Variants in KDM7A observed in about 807,000 individuals in gnomAD.
KDM7A encodes the protein lysine-specific demethylase 7A.
In KDM7A, 28 loss-of-function variants were observed where a neutral mutation model predicts 114.8. The ratio of observed to expected loss-of-function variants is 0.24; its 90% CI spans 0.18 to 0.33. KDM7A has a LOEUF of 0.33. Among genes scored for constraint, KDM7A ranks in the 10% least tolerant of loss-of-function variants. The pLI, the probability that KDM7A is intolerant of heterozygous loss-of-function variation, is 1.00. For missense variants in KDM7A, 942 were observed against 1,142.5 expected (o/e 0.82, Z 2.53); for synonymous variants, 423 against 397.8 (o/e 1.06, Z -0.75).
At chr7:140,171,673 C>T (rs1255878396) in intron 1 of KDM7A, among the ~76,000 whole-genome samples, 8 of 148,692 alleles carry the variant, frequency 5.4e-5, no homozygotes, top group Non-Finnish European at 4.4e-5. Context: ...TGTCCTGAAT[C>T]TCAGAAACTC....
intron 7 of KDM7A, among the ~76,000 whole-genome samples, chr7:140,123,956 G>A (rs1341599446): frequency 6.6e-6 from 1 of 151,850 alleles, no homozygotes; most frequent in Non-Finnish European, 1.5e-5. Flanking sequence ...TGTAGTCCCA[G>A]CTACTTGGAA....
chr7:140,161,008 A>T (rs770012094), intron 1 of KDM7A, among the ~76,000 whole-genome samples: 71 of 152,232 alleles, frequency 4.7e-4, no homozygotes, highest in Non-Finnish European at 9.1e-4. Flanking sequence ...GACTCAAAAC[A>T]ACAGGCACAC....
intron 1 of KDM7A, among the ~76,000 whole-genome samples, chr7:140,167,016 CAAAG>C (rs1236230348): frequency 7.2e-5 from 11 of 151,756 alleles, no homozygotes; most frequent in African/African-American, 2.2e-4. Context: ...ATAATACTAA[CAAAG>C]AAAATTACTT....
At chr7:140,145,761 T>G (rs1464661073) in intron 1 of KDM7A, among the ~76,000 whole-genome samples, 1 of 152,158 alleles carries the variant, frequency 6.6e-6, no homozygotes, top group Non-Finnish European at 1.5e-5. Context: ...ATGGCCACAT[T>G]CCTCACTCCT....
At chr7:140,091,772 A>G in intron 19 of KDM7A, 32 bp downstream of exon 19, 1 of 1,606,442 alleles carries the variant, frequency 6.2e-7, no homozygotes, top group Non-Finnish European at 8.5e-7. Flanking sequence ...ACAGTCAGAA[A>G]TATACTTTCT....
Position 140,133,674 on chromosome 7 carries a change from T to TA in KDM7A, c.281-19dup, listed in dbSNP as rs531912145. ...TTTTTTCACTGGATTTTTAAAAGAT[T>TA]AAAAAAAAATGATTTTGGTAACTGG... is the stretch of plus-strand genomic sequence containing the variant. On this transcript the variant is annotated intron_variant, in intron 2 of 19. Transcript: ENST00000397560. The TA allele has an allele frequency of 2.7e-4, 373 of 1,380,210 alleles. No individual in the cohort carries two copies. The highest frequency in any genetic ancestry group is 3.7e-4 in the Middle Eastern group (2 of 5,444). The allele number at this position is 1,380,210 out of a possible 1,614,324, so 85.5% of individuals were successfully genotyped here.
chr7:140,098,048 T>C (rs777501469), intron 14 of KDM7A, among the ~76,000 whole-genome samples: 3 of 152,196 alleles, frequency 2.0e-5, no homozygotes, highest in Non-Finnish European at 4.4e-5. Flanking sequence ...TTCACGTAGA[T>C]AGTGAATTCA....
chr7:140,094,258 ACTTTG>A, intron 17 of KDM7A, 120 bp from the exon 18 acceptor site: 1 of 710,594 alleles, frequency 1.4e-6, no homozygotes, highest in East Asian at 2.5e-5. Flanking sequence ...TAATCCCAAC[ACTTTG>A]GGAGGCCAAG....
At chr7:140,101,817 C>T in intron 12 of KDM7A, 134 bp downstream of exon 12, 1 of 657,174 alleles carries the variant, frequency 1.5e-6, no homozygotes, top group Non-Finnish European at 2.7e-6. Context: ...ACAGGCATAA[C>T]TACTGGTTGA....
chr7:140,175,420 T>C (rs1032276222), intron 1 of KDM7A, among the ~76,000 whole-genome samples: 1 of 152,138 alleles, frequency 6.6e-6, no homozygotes, highest in Non-Finnish European at 1.5e-5. Flanking sequence ...CAAAAGACAC[T>C]TCCTACAATC....
chr7:140,132,164 A>G (rs1404596828), intron 3 of KDM7A, among the ~76,000 whole-genome samples: 1 of 152,232 alleles, frequency 6.6e-6, no homozygotes, highest in East Asian at 1.9e-4. Flanking sequence ...TGTGTTAATC[A>G]TATCAAGCAT....
intron 10 of KDM7A, among the ~76,000 whole-genome samples, 165 bp from the exon 11 acceptor site, chr7:140,111,349 A>C (rs1330499909): frequency 1.3e-5 from 2 of 152,226 alleles, no homozygotes; most frequent in East Asian, 3.8e-4. Flanking sequence ...ATGCCTTCTA[A>C]GGAGATTCTC....
Position 140,176,836 on chromosome 7 carries a change from C to G in KDM7A, c.102G>C (p.Pro34=). ...GGCACACACAGTACACGGGCGGGGG[C>G]GGCGGAGGCGCCGAGGCCCGGCCGG... ...AAPGRASAPP[P]PPPVYCVCRQ... Residue 34 remains proline, a synonymous_variant, in exon 1 of 20, where the codon CCG becomes CCC. Coordinates refer to ENST00000397560, the MANE Select transcript of KDM7A (RefSeq NM_030647.2). This position sits in a 1 kb window ranked among gnomAD's most constrained non-coding sequence, Gnocchi z 4.4. 1 of 1,333,400 alleles carries G rather than the reference C, an allele frequency of 7.5e-7. No homozygotes were observed. The highest frequency in any genetic ancestry group is 9.8e-7 in the Non-Finnish European group (1 of 1,021,806). 82.6% of individuals were successfully genotyped at this position (1,333,400 alleles called of 1,614,324 possible). A position where few individuals can be genotyped will look rare whatever the true frequency, so the allele number is the denominator to read the frequency against.
intron 1 of KDM7A, among the ~76,000 whole-genome samples, chr7:140,152,757 G>A (rs1440545178): frequency 6.6e-6 from 1 of 152,118 alleles, no homozygotes; most frequent in African/African-American, 2.4e-5. Context: ...TACAAGTCAG[G>A]GCAATATGTA....
chr7:140,102,132 T>C lies in KDM7A; in HGVS notation c.1457A>G (p.Gln486Arg). 1 of 1,613,760 alleles carries C rather than the reference T, an allele frequency of 6.2e-7. No homozygotes were observed. The highest frequency in any genetic ancestry group is 8.5e-7 in the Non-Finnish European group (1 of 1,179,632). ...EEENGKPVKS[Q>R]GIPIVCPVSR... ...AACTGGACACACAATAGGAATTCCC[T>C]GAGATTTAACTGGTTTGCCGTTTTC... Residue 486 changes from glutamine to arginine, a missense_variant, in exon 12 of 20, where the codon CAG becomes CGG. Transcript: ENST00000397560.
Position 140,121,221 on chromosome 7 carries a change from T to C in KDM7A, c.1052-692A>G, listed in dbSNP as rs575545302. On this transcript the variant is annotated intron_variant, in intron 7 of 19. Transcript: ENST00000397560. ...CAAAAAATGATATTTTGTATTCCCA[T>C]ACAAATGCTTACAAAGTGAAAACCA... is the stretch of plus-strand genomic sequence containing the variant. Among the ~76,000 whole-genome samples the C allele has an allele frequency of 2.1e-4, 32 of 152,322 alleles. No individual in the cohort carries two copies. In the South Asian group the frequency reaches 6.0e-3, roughly 29 times the overall value.
At chr7:140,110,912 AT>A (rs1445269787) in intron 11 of KDM7A, among the ~76,000 whole-genome samples, 182 bp downstream of exon 11, 4 of 152,236 alleles carry the variant, frequency 2.6e-5, no homozygotes, top group African/African-American at 9.6e-5. Flanking sequence ...TTAGAATACA[AT>A]ATTTAAATTT....
intron 1 of KDM7A, among the ~76,000 whole-genome samples, chr7:140,160,656 C>G (rs887030844): frequency 6.6e-6 from 1 of 152,108 alleles, no homozygotes; most frequent in Non-Finnish European, 1.5e-5. Context: ...AACAAGTGAT[C>G]CTGAGGGAGA....
chr7:140,146,861 G>A (rs1274690439), intron 1 of KDM7A, among the ~76,000 whole-genome samples: 1 of 152,074 alleles, frequency 6.6e-6, no homozygotes, highest in African/African-American at 2.4e-5. Flanking sequence ...AAATTCCCTA[G>A]GATCAGCCAA....
Sources: gnomAD v4.1 joint callset for allele counts (sites outside exome capture counted in the v4.1 genomes callset) on GRCh38, gnomAD v4.1.1 for gene constraint, Gnocchi (gnomAD v3.1) non-coding constraint, MANE v1.5 for transcripts, NCBI Gene and HGNC (gene_info 2026-07-23, HGNC 2026-07-21) for gene names.